Variants in IL1R1 observed in about 807,000 individuals in gnomAD.
IL1R1 encodes interleukin-1 receptor type 1.
A neutral mutation model predicts 50.2 loss-of-function variants in IL1R1; 22 were observed. That is an observed-to-expected ratio of 0.44 (90% CI 0.31 to 0.63). IL1R1 has a LOEUF of 0.63. IL1R1 is among the 20% of genes least tolerant of loss of function. The pLI is 0.07. For missense variants in IL1R1, 509 were observed against 676.2 expected (o/e 0.75, Z 2.74); for synonymous variants, 251 against 236.7 (o/e 1.06, Z -0.55).
At chr2:102,163,726 G>A (rs1020085923) in intron 3 of IL1R1, among the ~76,000 whole-genome samples, 8 of 151,840 alleles carry the variant, frequency 5.3e-5, no homozygotes, top group South Asian at 2.1e-4. Context: ...CCTCCTTATC[G>A]TTGGTTGTAT....
intron 5 of IL1R1, 129 bp from the exon 6 acceptor site, chr2:102,165,984 A>G: frequency 1.4e-6 from 1 of 708,200 alleles, no homozygotes; most frequent in South Asian, 2.1e-5. Flanking sequence ...ACTATATGTA[A>G]GGAACTTTTC....
chr2:102,099,552 C>T (rs1219509722), intron 1 of IL1R1, among the ~76,000 whole-genome samples: 1 of 152,126 alleles, frequency 6.6e-6, no homozygotes, highest in Admixed American at 6.5e-5. Context: ...AGTCTAAGGG[C>T]CTGTGGGAGA....
intron 1 of IL1R1, among the ~76,000 whole-genome samples, chr2:102,146,828 G>T (rs111253835): frequency 0.027 from 4,182 of 152,210 alleles, 178 homozygotes; most frequent in African/African-American, 0.093. Context: ...GTGTTGTTCC[G>T]GATGTCAAGC....
intron 7 of IL1R1, among the ~76,000 whole-genome samples, chr2:102,169,650 A>G (rs1276837075): frequency 6.6e-6 from 1 of 152,232 alleles, no homozygotes; most frequent in East Asian, 1.9e-4. Flanking sequence ...GTTAGAAGGT[A>G]TATGCTTGTG....
At chr2:102,160,583 A>C (rs958021011) in intron 3 of IL1R1, among the ~76,000 whole-genome samples, 4 of 152,230 alleles carry the variant, frequency 2.6e-5, no homozygotes, top group Non-Finnish European at 4.4e-5. Context: ...GCTTGACCCA[A>C]GATGGTACCC....
chr2:102,075,510 A>C (rs959325649), intron 1 of IL1R1, among the ~76,000 whole-genome samples: 5 of 152,228 alleles, frequency 3.3e-5, no homozygotes, highest in African/African-American at 4.8e-5. Context: ...TTTGAAAAAA[A>C]AATTCACCTC....
chr2:102,122,870 A>C (rs138287696), intron 1 of IL1R1, among the ~76,000 whole-genome samples: 1 of 152,232 alleles, frequency 6.6e-6, no homozygotes, highest in East Asian at 1.9e-4. Context: ...ATATGCATTA[A>C]CTCCATGTAT....
intron 1 of IL1R1, among the ~76,000 whole-genome samples, chr2:102,120,311 A>G (rs1210109222): frequency 6.6e-6 from 1 of 151,800 alleles, no homozygotes; most frequent in Non-Finnish European, 1.5e-5. Flanking sequence ...TGTTATATGT[A>G]TGGTGTGAAT....
At chr2:102,150,793 G>C (rs1683583251) in intron 1 of IL1R1, among the ~76,000 whole-genome samples, 1 of 152,226 alleles carries the variant, frequency 6.6e-6, no homozygotes, top group African/African-American at 2.4e-5. Context: ...ACTGCCCGCT[G>C]TCTTTCCTGG....
intron 1 of IL1R1, among the ~76,000 whole-genome samples, chr2:102,111,017 A>AT (rs916099406): frequency 4.7e-4 from 71 of 152,338 alleles, no homozygotes; most frequent in African/African-American, 1.6e-3. Context: ...GAAGCAGAGC[A>AT]TAAAAACCCA....
chr2:102,120,365 T>C (rs1454681324), intron 1 of IL1R1, among the ~76,000 whole-genome samples: 2 of 152,162 alleles, frequency 1.3e-5, no homozygotes, highest in Non-Finnish European at 1.5e-5. Context: ...GCATGTGCTC[T>C]GTGGCTGTGT....
intron 1 of IL1R1, among the ~76,000 whole-genome samples, chr2:102,133,659 A>G (rs1241912026): frequency 6.6e-6 from 1 of 152,224 alleles, no homozygotes; most frequent in African/African-American, 2.4e-5. Context: ...AAAAAGAAAA[A>G]CAATCATATA....
intron 1 of IL1R1, among the ~76,000 whole-genome samples, chr2:102,085,365 C>T (rs1679389598): frequency 6.6e-6 from 1 of 152,148 alleles, no homozygotes; most frequent in Non-Finnish European, 1.5e-5. Context: ...TTCAGATCTG[C>T]AGACCAACAA....
In IL1R1 at chr2:102,176,748, C is replaced by T; in HGVS notation, c.1699C>T (p.Pro567Ser). Residue 567 changes from proline to serine, a missense_variant, in exon 12 of 12, where the codon CCT becomes TCT. Physicochemically the swap from Pro to Ser is moderately conservative, Grantham distance 74. Coordinates refer to ENST00000410023, the MANE Select transcript of IL1R1 (RefSeq NM_000877.4). ...GAAACTGCAAAGAGAGGCTCACGTG[C>T]CTCTCGGGTAGCATGGAGAAGTTGC... is the stretch of plus-strand genomic sequence containing the variant. ...KEKLQREAHV[P>S]LG 6.2e-7 allele frequency: 1 copy of T among 1,613,466 alleles called. No individual in the cohort carries two copies. Among genetic ancestry groups the T allele is most frequent in the Non-Finnish European group, 8.5e-7 (1 of 1,179,462 alleles).
chr2:102,088,638 C>T (rs1380016054), intron 1 of IL1R1, among the ~76,000 whole-genome samples: 2 of 152,204 alleles, frequency 1.3e-5, no homozygotes, highest in African/African-American at 4.8e-5. Context: ...CAGCTTGTCC[C>T]TTGAAGCTTC....
intron 9 of IL1R1, among the ~76,000 whole-genome samples, chr2:102,173,044 G>A (rs537173103): frequency 2.0e-5 from 3 of 152,022 alleles, no homozygotes; most frequent in South Asian, 2.1e-4. Context: ...CCCAGCTCTC[G>A]GCCCAAAGAG....
upstream of IL1R1, among the ~76,000 whole-genome samples, chr2:102,139,488 G>A (rs1682521351): frequency 6.6e-6 from 1 of 152,194 alleles, no homozygotes; most frequent in South Asian, 2.1e-4. Flanking sequence ...CAGTCAGGAG[G>A]AGGCCAGGTG....
At chr2:102,109,156 G>T (rs994012783) in intron 1 of IL1R1, among the ~76,000 whole-genome samples, 2 of 151,978 alleles carry the variant, frequency 1.3e-5, no homozygotes, top group Non-Finnish European at 2.9e-5. Context: ...GAATTATGAC[G>T]CAGACAGGCT....
rs764866240 is a variant in IL1R1, at chr2:102,166,162, A to G, written c.536A>G (p.Asp179Gly). Residue 179 changes from aspartate to glycine, a missense_variant, in exon 6 of 12, where the codon GAT becomes GGT. Physicochemically the swap from Asp to Gly is moderately conservative, Grantham distance 94. Transcript: ENST00000410023. ...AATATACACTTTAGTGGAGTCAAAG[A>G]TAGGCTCATCGTGATGAATGTGGCT... is the stretch of plus-strand genomic sequence containing the variant. ...LDNIHFSGVKDRLIVMNVAEK... is the reference protein window; with the variant it reads ...LDNIHFSGVKGRLIVMNVAEK... 2 of 1,613,942 alleles carry G rather than the reference A, an allele frequency of 1.2e-6. No individual in the cohort carries two copies. The highest frequency in any genetic ancestry group is 1.1e-5 in the South Asian group (1 of 91,078).
Sources: allele counts gnomAD v4.1 joint callset (sites outside exome capture counted in the v4.1 genomes callset), GRCh38; gene constraint gnomAD v4.1.1; transcripts MANE v1.5; gene names NCBI Gene and HGNC (gene_info 2026-07-23, HGNC 2026-07-21).